The following THADA variants were observed in gnomAD, a reference collection of about 807,000 sequenced individuals.
The protein encoded by THADA is THADA armadillo repeat containing.
In THADA, 213 loss-of-function variants were observed where a neutral mutation model predicts 219.8. The observed-to-expected ratio is 0.97, with a 90% CI of 0.87 to 1.09. The LOEUF (loss-of-function observed/expected upper bound fraction) is 1.09, where lower values mean the gene tolerates loss of function less well. Among genes scored for constraint, THADA ranks in the 50% least tolerant of loss-of-function variants. THADA has a pLI of 0.00. For missense variants in THADA, 2,956 were observed against 2,311.3 expected (o/e 1.28, Z -5.72); for synonymous variants, 1,018 against 828.9 (o/e 1.23, Z -3.92).
At chr2:43,442,590 T>A (rs1680983625) in intron 26 of THADA, among the ~76,000 whole-genome samples, 1 of 152,096 alleles carries the variant, frequency 6.6e-6, no homozygotes, top group Non-Finnish European at 1.5e-5. Context: ...GGTACAAAAA[T>A]TTTTTTTCTG....
intron 26 of THADA, among the ~76,000 whole-genome samples, chr2:43,455,214 C>T (rs1480796526): frequency 1.3e-5 from 2 of 152,120 alleles, no homozygotes; most frequent in South Asian, 2.1e-4. Flanking sequence ...CTAGTATGTA[C>T]TGAAATTTTT....
At chr2:43,334,164 G>A (rs1168778065) in intron 30 of THADA, among the ~76,000 whole-genome samples, 2 of 152,162 alleles carry the variant, frequency 1.3e-5, no homozygotes, top group Non-Finnish European at 2.9e-5. Context: ...ACTCAGCTCA[G>A]TGGGGTCCAG....
Position 43,293,087 on chromosome 2 carries a change from A to T in THADA, c.4565T>A (p.Leu1522Gln). 2 of 1,613,972 alleles carry T rather than the reference A, an allele frequency of 1.2e-6. No homozygotes were observed. Among genetic ancestry groups the T allele is most frequent in the East Asian group, 4.5e-5 (2 of 44,880 alleles). Residue 1522 changes from leucine to glutamine, a missense_variant, in exon 32 of 38, where the codon CTA becomes CAA. Physicochemically the swap from Leu to Gln is moderately radical, Grantham distance 113 (BLOSUM62 -2). Transcript: ENST00000405975. The stretch of plus-strand genomic sequence containing the variant: ...CGCGGCCCACACTGCAGCAATGGCT[A>T]GTCTGGTGAGGCTCTGGAGGTACTG... ...LPQYLQSLTR[L>Q]AIAAVWAAAA...
At chr2:43,530,162 T>A (rs1168727801) in intron 21 of THADA, among the ~76,000 whole-genome samples, 7 of 152,128 alleles carry the variant, frequency 4.6e-5, no homozygotes, top group Non-Finnish European at 8.8e-5. Context: ...TTAAAAAAAA[T>A]TCTAACTCTT....
chr2:43,563,496 A>G (rs1264782303), intron 15 of THADA: 1 of 152,206 alleles, frequency 6.6e-6, no homozygotes, highest in African/African-American at 2.4e-5. Flanking sequence ...ATGTACTAAT[A>G]TACACAAATT....
chr2:43,451,922 C>A (rs753192853), intron 26 of THADA, among the ~76,000 whole-genome samples: 3 of 152,030 alleles, frequency 2.0e-5, no homozygotes, highest in African/African-American at 7.2e-5. Context: ...GCCTGGCCAA[C>A]GTGGTGAAAC....
chr2:43,245,610 G>A (rs1379268842), intron 36 of THADA, among the ~76,000 whole-genome samples: 1 of 152,134 alleles, frequency 6.6e-6, no homozygotes, highest in African/African-American at 2.4e-5. Flanking sequence ...TCAACCCTCT[G>A]AGCTTACTCA....
intron 35 of THADA, among the ~76,000 whole-genome samples, chr2:43,282,295 A>C (rs1205251780): frequency 6.6e-6 from 1 of 152,208 alleles, no homozygotes; most frequent in African/African-American, 2.4e-5. Flanking sequence ...GTCCCTTCTC[A>C]ATGTCTCTCT....
At chr2:43,590,077 A>G (rs1026059551) in intron 4 of THADA, among the ~76,000 whole-genome samples, 4 of 152,218 alleles carry the variant, frequency 2.6e-5, no homozygotes, top group African/African-American at 7.2e-5. Context: ...ATAAATACCA[A>G]AACGGTAAGT....
At chr2:43,537,397 C>T (rs935322826) in intron 21 of THADA, among the ~76,000 whole-genome samples, 3 of 152,268 alleles carry the variant, frequency 2.0e-5, no homozygotes, top group East Asian at 1.9e-4. Flanking sequence ...TGTAGTAAGG[C>T]AGTCAATAAA....
intron 26 of THADA, among the ~76,000 whole-genome samples, chr2:43,459,096 C>T (rs150947806): frequency 3.0e-4 from 46 of 152,268 alleles, no homozygotes; most frequent in African/African-American, 9.6e-4. Flanking sequence ...CCAAAATGAT[C>T]ATACTAAAGC....
intron 9 of THADA, 89 bp from the exon 10 acceptor site, chr2:43,577,331 C>A (rs1474159274): frequency 9.7e-7 from 1 of 1,026,434 alleles, no homozygotes; most frequent in Non-Finnish European, 1.4e-6. Context: ...TCTCTTTCCC[C>A]TGAAAAATCC....
intron 18 of THADA, 128 bp from the exon 19 acceptor site, chr2:43,552,053 A>C (rs1393000379): frequency 6.5e-7 from 1 of 1,530,900 alleles, no homozygotes; most frequent in Non-Finnish European, 8.7e-7. Context: ...AGACATAAAA[A>C]TATACACAGA....
At chr2:43,557,509 A>G (rs907944782) in intron 16 of THADA, among the ~76,000 whole-genome samples, 1 of 152,230 alleles carries the variant, frequency 6.6e-6, no homozygotes, top group African/African-American at 2.4e-5. Flanking sequence ...TGTGGAAAAC[A>G]AAGTGATCAA....
intron 29 of THADA, among the ~76,000 whole-genome samples, chr2:43,377,922 T>C (rs1331181215): frequency 3.3e-5 from 5 of 152,176 alleles, no homozygotes; most frequent in Non-Finnish European, 5.9e-5. Flanking sequence ...TTCCAGGAAC[T>C]ACAGAAAACC....
intron 28 of THADA, among the ~76,000 whole-genome samples, chr2:43,417,127 G>A (rs190053933): frequency 7.3e-6 from 1 of 136,328 alleles, no homozygotes; most frequent in Admixed American, 7.9e-5. Context: ...ATATGTGAAA[G>A]TACACTCTAA....
chr2:43,457,994 G>C (rs968177263), intron 26 of THADA, among the ~76,000 whole-genome samples: 2 of 151,722 alleles, frequency 1.3e-5, no homozygotes, highest in East Asian at 1.9e-4. Context: ...TCTACCTCTC[G>C]ACAAAAAACA....
Position 43,527,744 on chromosome 2 carries a change from A to G in THADA, c.3374+135T>C, listed in dbSNP as rs1224859950. 3 of 562,854 alleles carry G rather than the reference A, an allele frequency of 5.3e-6. No individual in the cohort carries two copies. The East Asian group carries it at 8.7e-5, about 16-fold the overall frequency. The allele number at this position is 562,854 out of a possible 1,614,324, so 34.9% of individuals were successfully genotyped here. On this transcript the variant is annotated intron_variant, in intron 22 of 37. Coordinates refer to ENST00000405975, the MANE Select transcript of THADA (RefSeq NM_022065.5). ...TCATACAATGAAACCTAAGAAAACA[A>G]TTTCTTCCAAGAGTTTTGTAGTCAA...
At chr2:43,531,596 A>C (rs994295758) in intron 21 of THADA, among the ~76,000 whole-genome samples, 1 of 152,246 alleles carries the variant, frequency 6.6e-6, no homozygotes, top group African/African-American at 2.4e-5. Context: ...AGACTACATG[A>C]AACAGACTTA....
Sources: gnomAD v4.1 joint callset for allele counts (sites outside exome capture counted in the v4.1 genomes callset) on GRCh38, gnomAD v4.1.1 for gene constraint, MANE v1.5 for transcripts, NCBI Gene and HGNC (gene_info 2026-07-23, HGNC 2026-07-21) for gene names.